PDSS2: variants seen among roughly 807,000 people sequenced by gnomAD.
PDSS2 encodes the protein all trans-polyprenyl-diphosphate synthase PDSS2.
Under a neutral mutation model 44.5 loss-of-function variants are expected in PDSS2, and 31 were observed. The observed-to-expected ratio is 0.70, with a 90% CI of 0.52 to 0.94. PDSS2 has a LOEUF of 0.94. Among genes scored for constraint, PDSS2 ranks in the 40% least tolerant of loss-of-function variants. The pLI, the probability that PDSS2 is intolerant of heterozygous loss-of-function variation, is 0.00. For missense variants in PDSS2, 452 were observed against 482.2 expected, an observed-to-expected ratio of 0.94 and a Z score of 0.59; for synonymous variants, 157 against 180.3, an observed-to-expected ratio of 0.87 and a Z score of 1.03.
chr6:107,233,814 G>A (rs6942255), intron 4 of PDSS2, among the ~76,000 whole-genome samples: 115,393 of 151,756 alleles, frequency 0.76, 45,276 homozygotes, highest in East Asian at 1. Flanking sequence ...CCCTGTCTCT[G>A]AATTAATAAA....
chr6:107,178,290 A>G (rs972059301), intron 7 of PDSS2, among the ~76,000 whole-genome samples: 1 of 152,198 alleles, frequency 6.6e-6, no homozygotes, highest in Non-Finnish European at 1.5e-5. Flanking sequence ...TGTGGGGGCC[A>G]ATGTATGAGG....
intron 4 of PDSS2, among the ~76,000 whole-genome samples, chr6:107,228,014 C>G (rs1429085234): frequency 6.6e-6 from 1 of 152,164 alleles, no homozygotes; most frequent in Non-Finnish European, 1.5e-5. Context: ...TACTCTTGTC[C>G]TTTGATCAGA....
In PDSS2 at chr6:107,223,327, T is replaced by C. The variant is rs145369100; in HGVS notation, c.703-11045A>G. Among the ~76,000 whole-genome samples, 72 of 149,484 alleles carry C rather than the reference T, an allele frequency of 4.8e-4. No homozygotes were observed. The East Asian group carries it at 0.014, about 30-fold the overall frequency. ...GGCAGATCACCTGAGCTCAGGAGTTTGAGACCAGCCTGGGCAACATGGTGA... is the reference window on the plus strand; with the variant it reads ...GGCAGATCACCTGAGCTCAGGAGTTCGAGACCAGCCTGGGCAACATGGTGA... On this transcript the variant is annotated intron_variant, in intron 4 of 7. Transcript: ENST00000369037.
chr6:107,228,013 C>T (rs1773893380), intron 4 of PDSS2, among the ~76,000 whole-genome samples: 2 of 152,170 alleles, frequency 1.3e-5, no homozygotes, highest in Admixed American at 1.3e-4. Flanking sequence ...TTACTCTTGT[C>T]CTTTGATCAG....
At chr6:107,416,801 C>T (rs774975679) in intron 1 of PDSS2, among the ~76,000 whole-genome samples, 19 of 151,736 alleles carry the variant, frequency 1.3e-4, no homozygotes, top group Non-Finnish European at 1.9e-4. Context: ...GAGACTAAAC[C>T]ATTAAAGAAA....
chr6:107,365,687 T>C (rs1417839329), intron 1 of PDSS2, among the ~76,000 whole-genome samples: 2 of 152,138 alleles, frequency 1.3e-5, no homozygotes, highest in Non-Finnish European at 2.9e-5. Context: ...GAAGGTGATA[T>C]GCCATGCAAA....
chr6:107,413,737 T>A (rs1306000053), intron 1 of PDSS2, among the ~76,000 whole-genome samples: 1 of 152,204 alleles, frequency 6.6e-6, no homozygotes, highest in Admixed American at 6.5e-5. Context: ...AGTGCTGGGA[T>A]TACAGGCGTG....
intron 1 of PDSS2, among the ~76,000 whole-genome samples, chr6:107,359,817 C>T (rs760755703): frequency 3.9e-5 from 6 of 152,022 alleles, no homozygotes; most frequent in South Asian, 2.1e-4. Context: ...AGGCGGGGGG[C>T]GGTCCTTGAT....
intron 2 of PDSS2, among the ~76,000 whole-genome samples, chr6:107,294,512 G>A (rs1013280161): frequency 6.6e-6 from 1 of 151,974 alleles, no homozygotes; most frequent in Non-Finnish European, 1.5e-5. Context: ...CTCGTGAGTA[G>A]CTAGGACTGC....
intron 1 of PDSS2, among the ~76,000 whole-genome samples, chr6:107,426,423 C>T (rs1466461127): frequency 6.6e-6 from 1 of 152,236 alleles, no homozygotes; most frequent in Non-Finnish European, 1.5e-5. Context: ...GCGGAGCCCT[C>T]ATGGAGAACC....
At chr6:107,269,520 G>A (rs1307769159) in intron 3 of PDSS2, among the ~76,000 whole-genome samples, 1 of 151,994 alleles carries the variant, frequency 6.6e-6, no homozygotes, top group African/African-American at 2.4e-5. Context: ...CTTTTGTCAG[G>A]AAAAATTCTA....
At chr6:107,353,374 TAC>T (rs1387451846) in intron 1 of PDSS2, among the ~76,000 whole-genome samples, 3 of 152,220 alleles carry the variant, frequency 2.0e-5, no homozygotes, top group South Asian at 2.1e-4. Context: ...TGATTTTATT[TAC>T]AGTTATTACA....
chr6:107,456,330 T>C (rs1049711735), intron 1 of PDSS2, among the ~76,000 whole-genome samples: 6 of 152,040 alleles, frequency 3.9e-5, no homozygotes, highest in South Asian at 2.1e-4. Flanking sequence ...TGAAAATAAA[T>C]AAACAAACAA....
intron 1 of PDSS2, among the ~76,000 whole-genome samples, chr6:107,454,430 C>T (rs573338517): frequency 1.5e-3 from 226 of 152,142 alleles, no homozygotes; most frequent in African/African-American, 5.1e-3. Flanking sequence ...CAGAGAGATC[C>T]TAGAAAATCT....
chr6:107,339,253 C>T (rs1778003599), intron 1 of PDSS2, among the ~76,000 whole-genome samples: 2 of 152,210 alleles, frequency 1.3e-5, no homozygotes, highest in Admixed American at 6.5e-5. Flanking sequence ...CACTTTACTA[C>T]ATTTAATTAT....
intron 7 of PDSS2, among the ~76,000 whole-genome samples, chr6:107,159,105 A>G (rs576579640): frequency 6.6e-6 from 1 of 152,292 alleles, no homozygotes; most frequent in East Asian, 1.9e-4. Flanking sequence ...AACACTGCAC[A>G]GAGTGCCTGA....
chr6:107,306,367 C>G (rs2115090862), intron 2 of PDSS2, among the ~76,000 whole-genome samples: 1 of 152,288 alleles, frequency 6.6e-6, no homozygotes, highest in Non-Finnish European at 1.5e-5. Flanking sequence ...CAAACTCTCT[C>G]TTTGCCTGCT....
chr6:107,234,698 C>A (rs1031214979), intron 4 of PDSS2, among the ~76,000 whole-genome samples: 1 of 152,068 alleles, frequency 6.6e-6, no homozygotes, highest in African/African-American at 2.4e-5. Flanking sequence ...CTTTGGCTGG[C>A]AACTATATAA....
At chr6:107,379,717 T>C (rs760268259) in intron 1 of PDSS2, among the ~76,000 whole-genome samples, 5 of 152,182 alleles carry the variant, frequency 3.3e-5, no homozygotes, top group Non-Finnish European at 5.9e-5. Context: ...GTTTTTCTAT[T>C]TTTCTGGTAT....
Sources: allele counts gnomAD v4.1 joint callset (sites outside exome capture counted in the v4.1 genomes callset), GRCh38; gene constraint gnomAD v4.1.1; transcripts MANE v1.5; gene names NCBI Gene and HGNC (gene_info 2026-07-23, HGNC 2026-07-21).